The following MYBPC1 variants were observed in gnomAD, a reference collection of about 807,000 sequenced individuals.
MYBPC1 encodes myosin-binding protein C, slow-type.
Under a neutral mutation model 147.1 loss-of-function variants are expected in MYBPC1, and 52 were observed. That is an observed-to-expected ratio of 0.35 (90% CI 0.28 to 0.45). The LOEUF (loss-of-function observed/expected upper bound fraction) is 0.45, where lower values mean the gene tolerates loss of function less well. Among genes scored for constraint, MYBPC1 ranks in the 20% least tolerant of loss-of-function variants. MYBPC1 has a pLI of 1.00. For missense variants in MYBPC1, 1,228 were observed against 1,440.3 expected (o/e 0.85, Z 2.39); for synonymous variants, 477 against 475.9 (o/e 1.00, Z -0.03).
intron 1 of MYBPC1, among the ~76,000 whole-genome samples, chr12:101,611,919 A>C (rs566847628): frequency 6.6e-6 from 1 of 152,162 alleles, no homozygotes; most frequent in Admixed American, 6.5e-5. Context: ...TCTACTAAAA[A>C]TACAAAAATT....
chr12:101,611,020 G>A (rs1026420576), intron 1 of MYBPC1, among the ~76,000 whole-genome samples: 12 of 152,298 alleles, frequency 7.9e-5, no homozygotes, highest in Non-Finnish European at 1.6e-4. Flanking sequence ...ATATGCACTA[G>A]GTCCTACATG....
chr12:101,661,626 T>TA lies in MYBPC1; in HGVS notation c.2032+365dup, dbSNP rs368722123. On this transcript the variant is annotated intron_variant, in intron 20 of 31. Coordinates refer to ENST00000361466, the MANE Select transcript of MYBPC1 (RefSeq NM_002465.4). ...TAATTAGGCTGAGCATTGTGGCTCA[T>TA]ACCTGTAATCCCAGCACTTTGGGAG... Among the ~76,000 whole-genome samples, 289 of 152,216 alleles carry TA rather than the reference T, an allele frequency of 1.9e-3. 5 individuals are homozygous for TA. The highest frequency in any genetic ancestry group is 6.6e-3 in the African/African-American group (276 of 41,546).
intron 10 of MYBPC1, 37 bp downstream of exon 10, chr12:101,636,765 G>A (rs1420806626): frequency 3.2e-6 from 5 of 1,583,256 alleles, no homozygotes; most frequent in East Asian, 2.2e-5. Context: ...ATTGTGGCCT[G>A]GAAGTCTTTC....
At chr12:101,692,947 CTTT>C in the MYBPC1 span, among the ~76,000 whole-genome samples, 3 of 129,130 alleles carry the variant, frequency 2.3e-5, no homozygotes, top group Admixed American at 8.5e-5. Flanking sequence ...ATTACCTTCA[CTTT>C]TTTTTTTTTT....
chr12:101,644,495 A>T (rs954897388), intron 11 of MYBPC1, among the ~76,000 whole-genome samples, 169 bp from the exon 12 acceptor site: 1 of 152,180 alleles, frequency 6.6e-6, no homozygotes, highest in Admixed American at 6.5e-5. Flanking sequence ...TATTGTATAT[A>T]AGTCAACACA....
At chr12:101,625,209 T>C in intron 3 of MYBPC1, among the ~76,000 whole-genome samples, 1 of 151,404 alleles carries the variant, frequency 6.6e-6, no homozygotes, top group African/African-American at 2.4e-5. Context: ...TAAATAAACC[T>C]GGCAGCTATA....
intron 10 of MYBPC1, among the ~76,000 whole-genome samples, chr12:101,642,117 A>G (rs182925807): frequency 1.2e-4 from 18 of 152,324 alleles, no homozygotes; most frequent in Admixed American, 8.5e-4. Flanking sequence ...TTTAAATTTG[A>G]AAATAAGTAA....
rs578224171 is a variant in MYBPC1, at chr12:101,675,532, G to A, written c.2949+101G>A. Reference sequence around the variant, plus strand: ...CCTCACTGGTAAGGAGCCAACTGGGGCTATGGAGAAGTGATGTGGCAGAGC... The same window carrying A: ...CCTCACTGGTAAGGAGCCAACTGGGACTATGGAGAAGTGATGTGGCAGAGC... On this transcript the variant is annotated intron_variant, in intron 26 of 31. Coordinates refer to ENST00000361466, the MANE Select transcript of MYBPC1 (RefSeq NM_002465.4). 4.0e-5 allele frequency: 62 copies of A among 1,533,556 alleles called. 1 individual carries two copies. The South Asian group carries it at 6.2e-4, about 15-fold the overall frequency. The allele number at this position is 1,533,556 out of a possible 1,614,324, so 95.0% of individuals were successfully genotyped here. A position where few individuals can be genotyped will look rare whatever the true frequency, so the allele number is the denominator to read the frequency against.
chr12:101,633,895 C>CT (rs571261326), intron 8 of MYBPC1, among the ~76,000 whole-genome samples: 3,462 of 137,272 alleles, frequency 0.025, 74 homozygotes, highest in East Asian at 0.088. Context: ...ACCTGGAGGG[C>CT]TTTTTTTTTT....
intron 1 of MYBPC1, among the ~76,000 whole-genome samples, chr12:101,597,033 A>C (rs1019569032): frequency 6.6e-6 from 1 of 152,242 alleles, no homozygotes; most frequent in Non-Finnish European, 1.5e-5. Flanking sequence ...TGATTCTTAA[A>C]GGAACTGTAC....
At chr12:101,656,334 A>T (rs1195076020) in intron 18 of MYBPC1, among the ~76,000 whole-genome samples, 2 of 152,208 alleles carry the variant, frequency 1.3e-5, no homozygotes, top group African/African-American at 4.8e-5. Flanking sequence ...AATATGACAG[A>T]TATTGATCGA....
chr12:101,685,143 A>T (rs1951277866), intron 31 of MYBPC1, among the ~76,000 whole-genome samples: 2 of 152,284 alleles, frequency 1.3e-5, no homozygotes, highest in South Asian at 4.1e-4. Flanking sequence ...AATGTGCTTG[A>T]ATCGAAACTC....
intron 18 of MYBPC1, among the ~76,000 whole-genome samples, chr12:101,657,504 G>T (rs1207233751): frequency 6.6e-6 from 1 of 152,170 alleles, no homozygotes; most frequent in Non-Finnish European, 1.5e-5. Flanking sequence ...AGAAATGAAA[G>T]AGGGACATTA....
At position 101,670,377 on chromosome 12, in the gene MYBPC1, G is replaced by A. The variant is rs772644385; in HGVS notation, c.2581G>A (p.Gly861Arg). The A allele has an allele frequency of 6.2e-7, 1 of 1,614,054 alleles. No individual in the cohort carries two copies. The highest frequency in any genetic ancestry group is 1.1e-5 in the South Asian group (1 of 91,082). ...HLKQTYIRRV[G>R]EAVNLVIPFQ... ...GAAGCAAACCTATATCCGCAGAGTTGGAGAAGCTGTCAATCTGGTTATACC... is the reference window on the plus strand; with the variant it reads ...GAAGCAAACCTATATCCGCAGAGTTAGAGAAGCTGTCAATCTGGTTATACC... The change falls in exon 24 of 32, where the codon GGA becomes AGA. Residue 861 changes from glycine to arginine, a missense_variant. Gly to Arg is a moderately radical substitution (Grantham distance 125). This residue lies in a region of MYBPC1 where 1,077 missense variants were observed against 1,314.2 expected (regional missense o/e 0.82). Coordinates refer to ENST00000361466, the MANE Select transcript of MYBPC1 (RefSeq NM_002465.4).
intron 1 of MYBPC1, chr12:101,600,318 C>T (rs1168855917): frequency 2.0e-5 from 3 of 149,538 alleles, no homozygotes; most frequent in Non-Finnish European, 4.4e-5. Context: ...TTTTTTTAGG[C>T]TCTGTATACA....
At chr12:101,595,187 A>G in intron 1 of MYBPC1, 92 bp downstream of exon 1, 3 of 1,123,640 alleles carry the variant, frequency 2.7e-6, no homozygotes, top group Admixed American at 3.7e-5. Context: ...TATCTTAACT[A>G]GATGAGAAAA....
intron 6 of MYBPC1, among the ~76,000 whole-genome samples, chr12:101,629,965 G>T (rs921992278): frequency 6.6e-6 from 1 of 152,038 alleles, no homozygotes; most frequent in South Asian, 2.1e-4. Flanking sequence ...TCGCAATGTT[G>T]TACAGCCACT....
rs1296049986 is a variant in MYBPC1, at chr12:101,673,045, G to GGGCCCC, written c.2614-382_2614-381insGGCCCC. Among the ~76,000 whole-genome samples the GGGCCCC allele has an allele frequency of 2.0e-5, 3 of 152,172 alleles. No individual in the cohort carries two copies. The East Asian group carries it at 5.8e-4, about 29-fold the overall frequency. ...GCTAGACATAGATTCCAGGGCCCCA[G>GGGCCCC]AGCCCATGCTCTTAACAATTATCCT... On this transcript the variant is annotated intron_variant, in intron 24 of 31. Coordinates refer to ENST00000361466, the MANE Select transcript of MYBPC1 (RefSeq NM_002465.4).
intron 1 of MYBPC1, among the ~76,000 whole-genome samples, chr12:101,605,520 G>T (rs976405764): frequency 6.6e-6 from 1 of 151,972 alleles, no homozygotes; most frequent in African/African-American, 2.4e-5. Context: ...ACTTTAATTT[G>T]GAATACAGTA....
Sources: gnomAD v4.1 joint callset for allele counts (sites outside exome capture counted in the v4.1 genomes callset) on GRCh38, gnomAD v4.1.1 for gene constraint, gnomAD v4.1.1 regional missense constraint, MANE v1.5 for transcripts, NCBI Gene and HGNC (gene_info 2026-07-23, HGNC 2026-07-21) for gene names.